Variants in CPED1 observed in about 807,000 individuals in gnomAD.
The protein encoded by CPED1 is cadherin-like and PC-esterase domain-containing protein 1.
Under a neutral mutation model 128.2 loss-of-function variants are expected in CPED1, and 114 were observed. The observed-to-expected ratio is 0.89, with a 90% confidence interval of 0.76 to 1.04. The LOEUF (loss-of-function observed/expected upper bound fraction) is 1.04. Ranked by LOEUF, CPED1 falls within the 50% of genes least tolerant of loss-of-function variation. CPED1 has a pLI of 0.00. For synonymous variants in CPED1, 462 were observed against 426.7 expected (o/e 1.08, Z -1.02); for missense variants, 1,211 against 1,207.1 (o/e 1.00, Z -0.05).
chr7:120,989,990 C>CAGCCTAGAG, intron 2 of CPED1, 120 bp downstream of exon 2: 1 of 1,202,484 alleles, frequency 8.3e-7, no homozygotes, highest in Non-Finnish European at 1.2e-6. Context: ...AGAGTGTAAA[C>CAGCCTAGAG]AGCCTAGAGA....
intron 3 of CPED1, among the ~76,000 whole-genome samples, chr7:121,043,316 A>G (rs1466358013): frequency 6.6e-6 from 1 of 152,150 alleles, no homozygotes; most frequent in African/African-American, 2.4e-5. Context: ...AAGGAACCCT[A>G]AGAGGCTAAG....
intron 16 of CPED1, among the ~76,000 whole-genome samples, chr7:121,150,427 A>G (rs960475672): frequency 2.0e-5 from 3 of 151,866 alleles, no homozygotes; most frequent in African/African-American, 7.3e-5. Flanking sequence ...GTGTATATGT[A>G]TCACATTTTC....
At chr7:121,177,267 C>T (rs1011088074) in intron 16 of CPED1, among the ~76,000 whole-genome samples, 2 of 151,866 alleles carry the variant, frequency 1.3e-5, no homozygotes. Context: ...AACATCTTAC[C>T]TCCCTAACTT....
intron 13 of CPED1, 26 bp downstream of exon 13, chr7:121,133,919 T>C: frequency 7.4e-7 from 1 of 1,342,870 alleles, no homozygotes; most frequent in Non-Finnish European, 1.0e-6. Context: ...TTCCCACTTA[T>C]TTCAACATAA....
chr7:121,241,922 C>T (rs753952436), intron 17 of CPED1, among the ~76,000 whole-genome samples: 2 of 152,142 alleles, frequency 1.3e-5, no homozygotes, highest in African/African-American at 2.4e-5. Flanking sequence ...TCCTTGGCAG[C>T]ATATTGGAAT....
At chr7:121,021,235 T>A (rs1475629270) in intron 3 of CPED1, among the ~76,000 whole-genome samples, 1 of 151,992 alleles carries the variant, frequency 6.6e-6, no homozygotes, top group Non-Finnish European at 1.5e-5. Context: ...AGATCACTAC[T>A]TAATGTTGTG....
intron 5 of CPED1, among the ~76,000 whole-genome samples, chr7:121,069,067 T>C (rs78395169): frequency 0.011 from 1,630 of 152,224 alleles, 9 homozygotes; most frequent in Non-Finnish European, 0.017. Context: ...TTTCCTTTGC[T>C]CTGGAGTGAG....
intron 16 of CPED1, among the ~76,000 whole-genome samples, chr7:121,211,995 G>T (rs906968024): frequency 1.3e-5 from 2 of 151,892 alleles, no homozygotes; most frequent in African/African-American, 4.8e-5. Flanking sequence ...TGGGGCCATG[G>T]TGTCTTAAGT....
chr7:121,236,745 C>T lies in CPED1; in HGVS notation c.2087C>T (p.Thr696Ile), dbSNP rs780572658. ...DCGLLIHPEETCGLQPISSDY... is the reference protein window; with the variant it reads ...DCGLLIHPEEICGLQPISSDY... ...GGTTTGCTGATTCATCCAGAGGAAA[C>T]CTGTGGGTTACAGCCTATTTCTTCT... Residue 696 changes from threonine to isoleucine, a missense_variant, in exon 17 of 23, where the codon ACC becomes ATC. Coordinates refer to ENST00000310396, the MANE Select transcript of CPED1 (RefSeq NM_024913.5). The T allele has an allele frequency of 1.9e-6, 3 of 1,605,934 alleles. No homozygotes were observed. Among genetic ancestry groups the T allele is most frequent in the Non-Finnish European group, 2.5e-6 (3 of 1,176,902 alleles).
intron 16 of CPED1, among the ~76,000 whole-genome samples, chr7:121,195,698 T>C (rs1292693204): frequency 6.6e-6 from 1 of 152,198 alleles, no homozygotes; most frequent in Non-Finnish European, 1.5e-5. Context: ...ATGAAGGACT[T>C]CCAGACAGTT....
chr7:121,014,193 G>A (rs1792235524), intron 2 of CPED1, among the ~76,000 whole-genome samples: 1 of 152,300 alleles, frequency 6.6e-6, no homozygotes, highest in Non-Finnish European at 1.5e-5. Flanking sequence ...GATTAAGAGT[G>A]TGATGTGATC....
chr7:121,254,537 G>C (rs939884748), intron 18 of CPED1, among the ~76,000 whole-genome samples: 1 of 151,574 alleles, frequency 6.6e-6, no homozygotes, highest in Non-Finnish European at 1.5e-5. Flanking sequence ...AAACCTAGCA[G>C]AAAAAAATAA....
chr7:121,148,435 A>G (rs1796077183), intron 16 of CPED1, among the ~76,000 whole-genome samples: 1 of 152,142 alleles, frequency 6.6e-6, no homozygotes, highest in African/African-American at 2.4e-5. Flanking sequence ...AACATAGGTG[A>G]TTTTTTAATC....
chr7:121,192,311 A>C (rs1421168299), intron 16 of CPED1, among the ~76,000 whole-genome samples: 1 of 152,164 alleles, frequency 6.6e-6, no homozygotes, highest in Non-Finnish European at 1.5e-5. Context: ...TGAGGTTCAA[A>C]AGAATGCTCA....
chr7:121,136,201 G>T, intron 14 of CPED1, 111 bp downstream of exon 14: 1 of 1,043,866 alleles, frequency 9.6e-7, no homozygotes, highest in South Asian at 1.7e-5. Flanking sequence ...GCTGATAATT[G>T]TTAAAGTAAA....
At chr7:121,267,361 G>C (rs1346565313) in intron 21 of CPED1, 59 bp downstream of exon 21, 2 of 980,520 alleles carry the variant, frequency 2.0e-6, no homozygotes, top group Non-Finnish European at 3.1e-6. Context: ...ATCCCTGCTG[G>C]AAAAAGACCC....
intron 2 of CPED1, among the ~76,000 whole-genome samples, chr7:121,012,412 C>G (rs1435856995): frequency 6.6e-6 from 1 of 152,192 alleles, no homozygotes; most frequent in Non-Finnish European, 1.5e-5. Context: ...TCTGGGCCAG[C>G]AGTGTTGTGT....
chr7:121,051,949 A>C (rs1036063283), intron 4 of CPED1: 1 of 156,062 alleles, frequency 6.4e-6, no homozygotes, highest in Non-Finnish European at 1.4e-5. Context: ...AGAATTGTGT[A>C]CAAGTTTAAG....
chr7:121,044,945 G>T (rs1439595905), intron 3 of CPED1, among the ~76,000 whole-genome samples: 1 of 152,044 alleles, frequency 6.6e-6, no homozygotes, highest in African/African-American at 2.4e-5. Flanking sequence ...AAAATATTTA[G>T]TTGGGAATCA....
Sources: allele counts gnomAD v4.1 joint callset (sites outside exome capture counted in the v4.1 genomes callset), GRCh38; gene constraint gnomAD v4.1.1; transcripts MANE v1.5; gene names NCBI Gene and HGNC (gene_info 2026-07-23, HGNC 2026-07-21).